Variants in MYPN observed in about 807,000 individuals in gnomAD.
The protein encoded by MYPN is myopalladin.
MYPN carries 63 observed loss-of-function variants against 129.4 expected under a neutral mutation model. The ratio of observed to expected loss-of-function variants is 0.49; its 90% confidence interval spans 0.40 to 0.60. The LOEUF (loss-of-function observed/expected upper bound fraction) is 0.60, where lower values mean the gene tolerates loss of function less well. Among genes scored for constraint, MYPN ranks in the 20% least tolerant of loss-of-function variants. The pLI is 0.00. For missense variants in MYPN, 1,596 were observed against 1,635.4 expected, an observed-to-expected ratio of 0.98 and a Z score of 0.42; for synonymous variants, 629 against 600.9, an observed-to-expected ratio of 1.05 and a Z score of -0.68.
At chr10:68,144,679 C>A (rs1012769028) in intron 3 of MYPN, among the ~76,000 whole-genome samples, 1 of 151,904 alleles carries the variant, frequency 6.6e-6, no homozygotes, top group Non-Finnish European at 1.5e-5. Context: ...TTTTAAACAC[C>A]CCCTCTCTCA....
chr10:68,189,154 A>C (rs1445987089), intron 13 of MYPN, 28 bp downstream of exon 13: 2 of 1,527,008 alleles, frequency 1.3e-6, no homozygotes, highest in Non-Finnish European at 1.8e-6. Context: ...CCAGTTGGCC[A>C]CCTCACAGCA....
Position 68,145,654 on chromosome 10 carries a change from T to C in MYPN, c.1130+128T>C, listed in dbSNP as rs542597145. On this transcript the variant is annotated intron_variant, in intron 4 of 19. Coordinates refer to ENST00000358913, the MANE Select transcript of MYPN (RefSeq NM_032578.4). ...GGGTTTGACCACAAAAATAAATAAATAAACAAACAAACAAACAAACAAATT... is the reference window on the plus strand; with the variant it reads ...GGGTTTGACCACAAAAATAAATAAACAAACAAACAAACAAACAAACAAATT... The C allele has an allele frequency of 4.9e-4, 369 of 745,548 alleles. 1 individual carries two copies. Among genetic ancestry groups the C allele is most frequent in the South Asian group, 3.1e-3 (203 of 66,242 alleles). The allele number at this position is 745,548 out of a possible 1,614,324, so 46.2% of individuals were successfully genotyped here. A position where few individuals can be genotyped will look rare whatever the true frequency, so the allele number is the denominator to read the frequency against.
intron 10 of MYPN, among the ~76,000 whole-genome samples, chr10:68,167,141 A>C (rs965597537): frequency 1.3e-5 from 2 of 152,208 alleles, no homozygotes; most frequent in East Asian, 3.8e-4. Context: ...GCATGCTATC[A>C]CTATTATCCT....
At chr10:68,143,995 T>C (rs1469478467) in intron 3 of MYPN, among the ~76,000 whole-genome samples, 2 of 151,788 alleles carry the variant, frequency 1.3e-5, no homozygotes, top group East Asian at 3.9e-4. Context: ...CCTCAAGTGA[T>C]CTGCCCACCT....
At chr10:68,171,231 T>C (rs929303760) in intron 10 of MYPN, among the ~76,000 whole-genome samples, 4 of 151,754 alleles carry the variant, frequency 2.6e-5, no homozygotes, top group Admixed American at 6.6e-5. Context: ...CCACCCGCTA[T>C]ACCCAGGAAA....
At chr10:68,090,377 C>G (rs1361930399) in intron 1 of MYPN, among the ~76,000 whole-genome samples, 1 of 152,050 alleles carries the variant, frequency 6.6e-6, no homozygotes, top group Non-Finnish European at 1.5e-5. Flanking sequence ...GTTGGTCAGG[C>G]TGGTTTCGAA....
At chr10:68,101,533 G>A (rs192362577), upstream of MYPN, among the ~76,000 whole-genome samples, 246 of 152,146 alleles carry the variant, frequency 1.6e-3, no homozygotes, top group Middle Eastern at 3.4e-3. Flanking sequence ...TCTTTTGTCC[G>A]ATATTAAGAT....
chr10:68,181,882 A>G lies in MYPN; in HGVS notation c.2703+6421A>G, dbSNP rs145375134. Among the ~76,000 whole-genome samples the G allele has an allele frequency of 1.1e-3, 170 of 152,064 alleles. 3 individuals are homozygous for G. Among genetic ancestry groups the G allele is most frequent in the African/African-American group, 3.9e-3 (162 of 41,494 alleles). On this transcript the variant is annotated intron_variant, in intron 12 of 19. Transcript: ENST00000358913. The stretch of plus-strand genomic sequence containing the variant: ...CTCCGATGGACCCTGGACCCTCTCC[A>G]AGAGGGTCCATTTAATCTCCCTCGC...
At chr10:68,113,459 G>T (rs1483116989) in intron 1 of MYPN, among the ~76,000 whole-genome samples, 3 of 152,116 alleles carry the variant, frequency 2.0e-5, no homozygotes, top group Non-Finnish European at 4.4e-5. Context: ...ACTTTGGGAG[G>T]CCAAGGTGGG....
intron 13 of MYPN, among the ~76,000 whole-genome samples, chr10:68,193,133 G>T (rs769818361): frequency 1.3e-4 from 20 of 149,192 alleles, no homozygotes; most frequent in African/African-American, 2.7e-4. Flanking sequence ...GTCTTTCTGG[G>T]TTTTTTTTTA....
intron 19 of MYPN, 128 bp from the exon 20 acceptor site, chr10:68,210,158 C>T: frequency 9.8e-7 from 1 of 1,021,868 alleles, no homozygotes; most frequent in Middle Eastern, 3.2e-4. Context: ...AATTCAGACC[C>T]AGGTATAGTT....
At chr10:68,127,585 G>A (rs754725801) in intron 2 of MYPN, among the ~76,000 whole-genome samples, 27 of 151,412 alleles carry the variant, frequency 1.8e-4, no homozygotes, top group African/African-American at 4.1e-4. Context: ...TGCCTGCCTC[G>A]GCCTCCCAAA....
At chr10:68,198,217 T>C (rs769880662) in intron 16 of MYPN, among the ~76,000 whole-genome samples, 44 of 152,212 alleles carry the variant, frequency 2.9e-4, no homozygotes, top group Non-Finnish European at 6.2e-4. Context: ...TAAAGCCATA[T>C]GGTGTGATTT....
chr10:68,171,366 G>C (rs1303221446), intron 10 of MYPN, among the ~76,000 whole-genome samples: 1 of 152,138 alleles, frequency 6.6e-6, no homozygotes, highest in African/African-American at 2.4e-5. Flanking sequence ...ATGACTGTGA[G>C]AATCACCTGG....
chr10:68,116,035 C>G (rs1371733763), intron 1 of MYPN, among the ~76,000 whole-genome samples: 2 of 152,076 alleles, frequency 1.3e-5, no homozygotes, highest in Non-Finnish European at 2.9e-5. Flanking sequence ...TATTTTTCTT[C>G]CCAACATTAA....
chr10:68,166,450 A>G lies in MYPN; in HGVS notation c.1757A>G (p.Asn586Ser), dbSNP rs550455783. 82 of 1,614,150 alleles carry G rather than the reference A, an allele frequency of 5.1e-5. No homozygotes were observed. Among genetic ancestry groups the G allele is most frequent in the South Asian group, 2.4e-4 (22 of 91,080 alleles). Residue 586 changes from asparagine to serine, a missense_variant, in exon 10 of 20, where the codon AAT becomes AGT. By Grantham distance (46) the Asn-to-Ser change is conservative. Transcript: ENST00000358913. ...CTCGAGGGGGTTCTGGTGAACCACAATGAGCCCCGGTCCAGCTCCAGGATT... is the reference window on the plus strand; with the variant it reads ...CTCGAGGGGGTTCTGGTGAACCACAGTGAGCCCCGGTCCAGCTCCAGGATT... ...PKLEGVLVNHNEPRSSSRIGL... is the reference protein window; with the variant it reads ...PKLEGVLVNHSEPRSSSRIGL...
intron 4 of MYPN, 25 bp downstream of exon 4, chr10:68,145,551 G>T (rs373315338): frequency 6.3e-7 from 1 of 1,593,216 alleles, no homozygotes. Context: ...CTGTCTTATA[G>T]CTTTAGCATC....
chr10:68,091,429 C>T (rs979897807), intron 1 of MYPN, among the ~76,000 whole-genome samples: 6 of 138,556 alleles, frequency 4.3e-5, no homozygotes, highest in African/African-American at 1.7e-4. Flanking sequence ...GGGTCTTGCC[C>T]TATTGCCCAG....
upstream of MYPN, among the ~76,000 whole-genome samples, chr10:68,107,047 G>A (rs1589515499): frequency 6.6e-6 from 1 of 152,184 alleles, no homozygotes; most frequent in East Asian, 1.9e-4. Context: ...ATGAAATCTT[G>A]AACTAGTAGG....
Sources: allele counts gnomAD v4.1 joint callset (sites outside exome capture counted in the v4.1 genomes callset), GRCh38; gene constraint gnomAD v4.1.1; transcripts MANE v1.5; gene names NCBI Gene and HGNC (gene_info 2026-07-23, HGNC 2026-07-21).